Variants in CENPW observed in about 807,000 individuals in gnomAD.
CENPW encodes the protein centromere protein W, also known as cancer-up-regulated gene 2 protein.
CENPW carries 3 observed loss-of-function variants against 11.1 expected under a neutral mutation model. The observed-to-expected ratio is 0.27, with a 90% CI of 0.12 to 0.70. CENPW has a LOEUF of 0.70. Among genes scored for constraint, CENPW ranks in the 30% least tolerant of loss-of-function variants. The pLI is 0.77. For missense variants in CENPW, 100 were observed against 105.6 expected (o/e 0.95, Z 0.23); for synonymous variants, 38 against 42.0 (o/e 0.91, Z 0.37).
At chr6:126,361,563 G>A in the CENPW span, among the ~76,000 whole-genome samples, 1 of 152,188 alleles carries the variant, frequency 6.6e-6, no homozygotes, top group Non-Finnish European at 1.5e-5. Flanking sequence ...CCAAAGTGCT[G>A]GGATTTCAGG....
chr6:126,405,637 T>C, the CENPW span, among the ~76,000 whole-genome samples: 1 of 152,146 alleles, frequency 6.6e-6, no homozygotes, highest in African/African-American at 2.4e-5. Flanking sequence ...TATGTGAACA[T>C]TGGCTGTCTT....
chr6:126,372,298 G>T, the CENPW span, among the ~76,000 whole-genome samples: 46 of 152,166 alleles, frequency 3.0e-4, no homozygotes, highest in South Asian at 9.3e-3. Context: ...ACCAATTTAT[G>T]CATGTGAAAA....
the CENPW span, among the ~76,000 whole-genome samples, chr6:126,439,128 G>A: frequency 6.6e-6 from 1 of 151,662 alleles, no homozygotes; most frequent in Non-Finnish European, 1.5e-5. Flanking sequence ...AGAACAATCT[G>A]ATACTGGCAG....
the CENPW span, among the ~76,000 whole-genome samples, chr6:126,401,205 T>C: frequency 6.6e-6 from 1 of 152,078 alleles, no homozygotes; most frequent in African/African-American, 2.4e-5. Context: ...TAGCCAGCAA[T>C]TGAGCTTGGT....
rs758893982 is a variant in CENPW, at chr6:126,340,223, C to A, written c.-51C>A. On this transcript the variant is annotated 5_prime_UTR_variant, in exon 1 of 3. Coordinates refer to ENST00000368328, the MANE Select transcript of CENPW (RefSeq NM_001012507.4). ...GCCCAGTGTCCCCGGAGCTTGTGTG[C>A]GATACAGAGAGCACCTCGGAAGCTG... 18 of 1,573,536 alleles carry A rather than the reference C, an allele frequency of 1.1e-5. No homozygotes were observed. The highest frequency in any genetic ancestry group is 1.5e-5 in the Non-Finnish European group (17 of 1,146,956).
the CENPW span, among the ~76,000 whole-genome samples, chr6:126,469,247 CAGTG>C: frequency 1.3e-5 from 2 of 152,106 alleles, no homozygotes; most frequent in Non-Finnish European, 2.9e-5. Context: ...GTTCTTGTGA[CAGTG>C]AGGGGGTTCT....
chr6:126,447,884 CTCCA>C, the CENPW span, among the ~76,000 whole-genome samples: 3 of 151,276 alleles, frequency 2.0e-5, no homozygotes, highest in Non-Finnish European at 4.4e-5. Flanking sequence ...CACCTCTTAT[CTCCA>C]TTCACTGTTC....
the CENPW span, among the ~76,000 whole-genome samples, chr6:126,472,778 A>G: frequency 4.6e-5 from 7 of 152,200 alleles, no homozygotes; most frequent in Non-Finnish European, 8.8e-5. Context: ...TGAGAGTTAC[A>G]GTTCCTCCAC....
the CENPW span, among the ~76,000 whole-genome samples, chr6:126,354,090 G>A: frequency 2.0e-5 from 3 of 151,174 alleles, no homozygotes; most frequent in African/African-American, 7.3e-5. Flanking sequence ...TTTTGATCAT[G>A]TAGTACTGTC....
the CENPW span, among the ~76,000 whole-genome samples, chr6:126,424,040 A>G: frequency 6.6e-6 from 1 of 152,026 alleles, no homozygotes; most frequent in Non-Finnish European, 1.5e-5. Context: ...TTTTAACTTT[A>G]GAAAAAAATT....
chr6:126,345,594 A>G (rs1025568936), intron 1 of CENPW, among the ~76,000 whole-genome samples: 3 of 151,990 alleles, frequency 2.0e-5, no homozygotes, highest in African/African-American at 7.2e-5. Flanking sequence ...TGCTTATATT[A>G]CCTATTTTAA....
the CENPW span, among the ~76,000 whole-genome samples, chr6:126,417,293 A>T: frequency 6.6e-6 from 1 of 152,148 alleles, no homozygotes; most frequent in Admixed American, 6.5e-5. Flanking sequence ...GAAGTAACTA[A>T]CTTGCTTTGG....
chr6:126,340,508 C>A, intron 1 of CENPW, 109 bp downstream of exon 1: 2 of 1,532,180 alleles, frequency 1.3e-6, no homozygotes, highest in Non-Finnish European at 1.8e-6. Flanking sequence ...TCTTTCAGGC[C>A]CCTGTTTAAG....
At chr6:126,474,483 C>G in the CENPW span, among the ~76,000 whole-genome samples, 1 of 151,934 alleles carries the variant, frequency 6.6e-6, no homozygotes, top group African/African-American at 2.4e-5. Context: ...TATATGTGAC[C>G]AAGAGCAAAG....
chr6:126,373,838 A>G, the CENPW span, among the ~76,000 whole-genome samples: 1 of 152,240 alleles, frequency 6.6e-6, no homozygotes, highest in Admixed American at 6.5e-5. Flanking sequence ...ACCAGTTCTG[A>G]GTTTGGGGAG....
the CENPW span, among the ~76,000 whole-genome samples, chr6:126,420,552 A>G: frequency 1.3e-5 from 2 of 152,170 alleles, no homozygotes; most frequent in Non-Finnish European, 2.9e-5. Flanking sequence ...TGGCTCCCCA[A>G]GTTTATTTAG....
rs1296352498 is a variant in CENPW, at chr6:126,340,178, G to A, written c.-96G>A. 13 of 1,153,736 alleles carry A rather than the reference G, an allele frequency of 1.1e-5. No individual in the cohort carries two copies. The highest frequency in any genetic ancestry group is 1.5e-5 in the Non-Finnish European group (12 of 788,990). The allele number at this position is 1,153,736 out of a possible 1,614,324, so 71.5% of individuals were successfully genotyped here. A position where few individuals can be genotyped will look rare whatever the true frequency, so the allele number is the denominator to read the frequency against. On this transcript the variant is annotated 5_prime_UTR_variant, in exon 1 of 3. Transcript: ENST00000368328. ...TTTTCTGCCTGAAGAAGCGTCATAC[G>A]GACCGGATTGTTTTCGCTGGCCCAG... is the stretch of plus-strand genomic sequence containing the variant.
At chr6:126,475,662 T>C in the CENPW span, among the ~76,000 whole-genome samples, 36 of 152,110 alleles carry the variant, frequency 2.4e-4, no homozygotes, top group African/African-American at 7.7e-4. Context: ...ACCTTTCTTA[T>C]GTTTACATTT....
the CENPW span, among the ~76,000 whole-genome samples, chr6:126,420,861 C>A: frequency 6.6e-6 from 1 of 152,082 alleles, no homozygotes; most frequent in Non-Finnish European, 1.5e-5. Flanking sequence ...AGTCTCCAGC[C>A]TTTCTAAAAT....
Sources: gnomAD v4.1 joint callset for allele counts (sites outside exome capture counted in the v4.1 genomes callset) on GRCh38, gnomAD v4.1.1 for gene constraint, MANE v1.5 for transcripts, NCBI Gene and HGNC (gene_info 2026-07-23, HGNC 2026-07-21) for gene names.